KCNH7: variants seen among roughly 807,000 people sequenced by gnomAD.
KCNH7 encodes the protein potassium voltage-gated channel subfamily H member 7, also known as voltage-gated inwardly rectifying potassium channel KCNH7.
In KCNH7, 49 loss-of-function variants were observed where a neutral mutation model predicts 120.8. The observed-to-expected ratio is 0.41, with a 90% CI of 0.32 to 0.51. The LOEUF (loss-of-function observed/expected upper bound fraction) is 0.51. Among genes scored for constraint, KCNH7 ranks in the 20% least tolerant of loss-of-function variants. The pLI is 0.38. For synonymous variants in KCNH7, 547 were observed against 516.1 expected, an observed-to-expected ratio of 1.06 and a Z score of -0.81; for missense variants, 1,097 against 1,446.6, an observed-to-expected ratio of 0.76 and a Z score of 3.92.
intron 2 of KCNH7, among the ~76,000 whole-genome samples, chr2:162,725,421 C>A (rs1687478358): frequency 6.6e-6 from 1 of 151,862 alleles, no homozygotes; most frequent in Non-Finnish European, 1.5e-5. Context: ...ATAATTATAA[C>A]CAAAAATCTT....
chr2:162,655,593 T>C (rs1684723827), intron 2 of KCNH7, among the ~76,000 whole-genome samples: 1 of 151,854 alleles, frequency 6.6e-6, no homozygotes, highest in African/African-American at 2.4e-5. Flanking sequence ...GAGACCATCC[T>C]GGCCAACAAG....
chr2:162,555,027 T>C (rs1177505125), intron 2 of KCNH7, among the ~76,000 whole-genome samples: 1 of 152,200 alleles, frequency 6.6e-6, no homozygotes, highest in Non-Finnish European at 1.5e-5. Context: ...AACAACTTCA[T>C]GTAAAAAGAT....
intron 3 of KCNH7, among the ~76,000 whole-genome samples, chr2:162,530,346 C>G (rs1326151878): frequency 1.3e-5 from 2 of 151,876 alleles, no homozygotes; most frequent in Non-Finnish European, 2.9e-5. Context: ...TATTTTGTCT[C>G]TATTTCAATA....
At chr2:162,504,302 C>T in intron 6 of KCNH7, 141 bp downstream of exon 6, 1 of 641,606 alleles carries the variant, frequency 1.6e-6, no homozygotes, top group Non-Finnish European at 2.8e-6. Flanking sequence ...AGAGAGTTAC[C>T]CAACATCTCA....
intron 2 of KCNH7, among the ~76,000 whole-genome samples, chr2:162,651,143 C>A (rs1310209691): frequency 6.6e-6 from 1 of 152,114 alleles, no homozygotes; most frequent in Non-Finnish European, 1.5e-5. Flanking sequence ...AAGATTAATT[C>A]TGAAATATGG....
chr2:162,608,053 T>C (rs114606864), intron 2 of KCNH7, among the ~76,000 whole-genome samples: 25 of 152,336 alleles, frequency 1.6e-4, no homozygotes, highest in Non-Finnish European at 3.4e-4. Flanking sequence ...AGTTTCATTC[T>C]ATTATGCTAG....
intron 2 of KCNH7, among the ~76,000 whole-genome samples, chr2:162,804,313 T>C (rs976203112): frequency 3.3e-5 from 5 of 151,994 alleles, no homozygotes; most frequent in Admixed American, 2.6e-4. Context: ...GCTGATGATA[T>C]ACCTAGAAAA....
At chr2:162,551,506 G>A (rs948458093) in intron 2 of KCNH7, among the ~76,000 whole-genome samples, 1 of 151,706 alleles carries the variant, frequency 6.6e-6, no homozygotes, top group Non-Finnish European at 1.5e-5. Flanking sequence ...GAATTTCTAA[G>A]TCATTAATTA....
chr2:162,796,885 A>G (rs1157611145), intron 2 of KCNH7: 2 of 151,780 alleles, frequency 1.3e-5, no homozygotes, highest in Non-Finnish European at 2.9e-5. Context: ...GTAATGTTGC[A>G]GCAGAAGCGA....
At chr2:162,454,540 G>C (rs1312362080) in intron 6 of KCNH7, among the ~76,000 whole-genome samples, 1 of 152,120 alleles carries the variant, frequency 6.6e-6, no homozygotes, top group Non-Finnish European at 1.5e-5. Flanking sequence ...AATTACTTTG[G>C]ACAGTATGGC....
chr2:162,489,836 TAAC>T lies in KCNH7; in HGVS notation c.1128+14604_1128+14606del, dbSNP rs545945567. ...ACCAAGCTTGCTGGTATTCTATAAA[TAAC>T]AACAAGATAATGGAAGCAAAATTAA... On this transcript the variant is annotated intron_variant, in intron 6 of 15. Transcript: ENST00000332142. Among the ~76,000 whole-genome samples, 41 of 152,290 alleles carry T rather than the reference TAAC, an allele frequency of 2.7e-4. No individual in the cohort carries two copies. In the South Asian group the frequency reaches 7.2e-3, roughly 27 times the overall value.
intron 2 of KCNH7, among the ~76,000 whole-genome samples, chr2:162,807,369 G>A (rs1183322275): frequency 2.6e-5 from 4 of 151,562 alleles, no homozygotes; most frequent in African/African-American, 4.9e-5. Flanking sequence ...CTCAGGAGGC[G>A]GAGGTTGCAA....
At chr2:162,609,952 G>A (rs10048805) in intron 2 of KCNH7, among the ~76,000 whole-genome samples, 88,665 of 152,030 alleles carry the variant, frequency 0.58, 26,586 homozygotes, top group African/African-American at 0.72. Context: ...AAACTGGGCC[G>A]TCTCTAGGAG....
chr2:162,558,637 G>T (rs1460027370), intron 2 of KCNH7, among the ~76,000 whole-genome samples: 2 of 150,498 alleles, frequency 1.3e-5, no homozygotes, highest in East Asian at 3.9e-4. Flanking sequence ...ACCTGGAAAA[G>T]AAGTAACATG....
intron 2 of KCNH7, among the ~76,000 whole-genome samples, chr2:162,616,797 T>G (rs1484500942): frequency 6.6e-6 from 1 of 152,236 alleles, no homozygotes; most frequent in Non-Finnish European, 1.5e-5. Context: ...TTGTACAATT[T>G]ATATTACAAA....
chr2:162,454,074 T>G (rs1371356218), intron 6 of KCNH7, among the ~76,000 whole-genome samples: 1 of 152,162 alleles, frequency 6.6e-6, no homozygotes, highest in East Asian at 1.9e-4. Flanking sequence ...CTTCTAGAGT[T>G]TTTACAGTGT....
chr2:162,807,256 CAAAAAAAAAAAA>C lies in KCNH7; in HGVS notation c.307+29269_307+29280del, dbSNP rs745345993. ...TGAAAACCCATCTCCACTAAAAATA[CAAAAAAAAAAAA>C]AAAAAAAAAAAAAAACAAATTAGCC... On this transcript the variant is annotated intron_variant, in intron 2 of 15. Transcript: ENST00000332142. 2.6e-4 allele frequency among the ~76,000 whole-genome samples: 4 copies of C among 15,628 alleles called. No individual in the cohort carries two copies. The Admixed American group carries it at 3.1e-3, about 12-fold the overall frequency. The allele number at this position is 15,628 out of a possible 152,430, so 10.3% of individuals were successfully genotyped here.
chr2:162,722,508 T>C (rs893798756), intron 2 of KCNH7, among the ~76,000 whole-genome samples: 7 of 152,072 alleles, frequency 4.6e-5, no homozygotes, highest in Non-Finnish European at 2.9e-5. Flanking sequence ...TGACAAGTCA[T>C]TTTTCTCTTG....
chr2:162,525,562 T>C (rs949501621), intron 3 of KCNH7, among the ~76,000 whole-genome samples: 3 of 152,002 alleles, frequency 2.0e-5, no homozygotes, highest in Non-Finnish European at 4.4e-5. Flanking sequence ...ATTAAGTTTC[T>C]ATGTGCTTAA....
Sources: gnomAD v4.1 joint callset for allele counts (sites outside exome capture counted in the v4.1 genomes callset) on GRCh38, gnomAD v4.1.1 for gene constraint, MANE v1.5 for transcripts, NCBI Gene and HGNC (gene_info 2026-07-23, HGNC 2026-07-21) for gene names.